Variants in GALK2 observed in about 807,000 individuals in gnomAD.
GALK2 encodes N-acetylgalactosamine kinase.
A neutral mutation model predicts 52.4 loss-of-function variants in GALK2; 36 were observed. That is an observed-to-expected ratio of 0.69 (90% CI 0.53 to 0.91). The LOEUF (loss-of-function observed/expected upper bound fraction) is 0.91. Among genes scored for constraint, GALK2 ranks in the 40% least tolerant of loss-of-function variants. GALK2 has a pLI of 0.00. For missense variants in GALK2, 579 were observed against 559.1 expected (o/e 1.04, Z -0.36); for synonymous variants, 176 against 199.1 (o/e 0.88, Z 0.98).
At chr15:49,327,589 G>T in intron 9 of GALK2, 1 of 161,100 alleles carries the variant, frequency 6.2e-6, no homozygotes, top group Non-Finnish European at 1.3e-5. Flanking sequence ...TTTTACCATT[G>T]CCTGTTTTAT....
intron 3 of GALK2, 53 bp from the exon 4 acceptor site, chr15:49,235,798 T>A (rs2090768955): frequency 8.6e-7 from 1 of 1,163,228 alleles, no homozygotes; most frequent in Non-Finnish European, 1.3e-6. Flanking sequence ...TCCATTGATT[T>A]TGCAGCTCAA....
Position 49,328,608 on chromosome 15 carries a change from G to A in GALK2, c.*449G>A, listed in dbSNP as rs1478116306. On this transcript the variant is annotated 3_prime_UTR_variant, in exon 10 of 10. Transcript: ENST00000560031. ...CTCAAAGTTGTAGTTGTCTGTTGAT[G>A]ATGGTGATGATGATGATGATGACGA... 2 of 1,592,022 alleles carry A rather than the reference G, an allele frequency of 1.3e-6. No homozygotes were observed.
intron 7 of GALK2, among the ~76,000 whole-genome samples, chr15:49,288,371 A>T (rs1273247293): frequency 6.6e-6 from 1 of 152,178 alleles, no homozygotes; most frequent in African/African-American, 2.4e-5. Context: ...TGTTCCTTTG[A>T]CACTTCAAGG....
intron 3 of GALK2, among the ~76,000 whole-genome samples, chr15:49,230,597 C>T (rs948243585): frequency 6.6e-6 from 1 of 152,190 alleles, no homozygotes; most frequent in Non-Finnish European, 1.5e-5. Flanking sequence ...AGGCATTCTT[C>T]TGTGCCTCCG....
chr15:49,352,434 A>T (rs1392175291), intron 3 of GALK2, among the ~76,000 whole-genome samples: 1 of 152,216 alleles, frequency 6.6e-6, no homozygotes, highest in East Asian at 1.9e-4. Flanking sequence ...ACTTATGTTA[A>T]GTAAGTCCAC....
At chr15:49,311,316 G>A (rs539153339) in intron 8 of GALK2, among the ~76,000 whole-genome samples, 2 of 152,194 alleles carry the variant, frequency 1.3e-5, no homozygotes, top group South Asian at 4.1e-4. Flanking sequence ...TCCCTAAAGG[G>A]CCAAGAACCA....
intron 8 of GALK2, 64 bp from the exon 9 acceptor site, chr15:49,319,540 T>G: frequency 7.3e-7 from 1 of 1,370,572 alleles, no homozygotes; most frequent in Non-Finnish European, 1.0e-6. Context: ...AAGTGTATTT[T>G]TCTTTATACT....
intron 1 of GALK2, chr15:49,199,219 TATGTTTTGTAGTTCACTA>T (rs1189905356): frequency 6.6e-6 from 1 of 152,206 alleles, no homozygotes; most frequent in Admixed American, 6.5e-5. Context: ...TTTGTTTCAC[TATGTTTTGTAGTTCACTA>T]ATGTTTTGTA....
At chr15:49,251,821 A>C (rs1404659597) in intron 5 of GALK2, among the ~76,000 whole-genome samples, 1 of 152,192 alleles carries the variant, frequency 6.6e-6, no homozygotes, top group Non-Finnish European at 1.5e-5. Flanking sequence ...TACTTCCTAA[A>C]CATAAAAAAT....
intron 5 of GALK2, among the ~76,000 whole-genome samples, chr15:49,257,011 T>C (rs1322593201): frequency 6.6e-6 from 1 of 152,138 alleles, no homozygotes; most frequent in African/African-American, 2.4e-5. Flanking sequence ...ATCCAGAGGA[T>C]TTATTCATTT....
chr15:49,198,344 A>G (rs747794278), intron 1 of GALK2, among the ~76,000 whole-genome samples: 2 of 152,240 alleles, frequency 1.3e-5, no homozygotes, highest in Non-Finnish European at 2.9e-5. Flanking sequence ...GAACTAAGAT[A>G]CAATCATAAC....
chr15:49,365,018 A>T (rs553514488), intron 3 of GALK2: 61 of 481,360 alleles, frequency 1.3e-4, no homozygotes, highest in Middle Eastern at 1.2e-3. Context: ...ATATTTGCAA[A>T]CATATCATTG....
chr15:49,205,200 A>G (rs966835134), intron 2 of GALK2, among the ~76,000 whole-genome samples: 2 of 152,156 alleles, frequency 1.3e-5, no homozygotes, highest in East Asian at 1.9e-4. Flanking sequence ...GCGCGTGCAC[A>G]TATCTTTTTC....
At chr15:49,203,418 G>T (rs545006242) in intron 2 of GALK2, among the ~76,000 whole-genome samples, 67 of 151,970 alleles carry the variant, frequency 4.4e-4, no homozygotes, top group Non-Finnish European at 7.6e-4. Context: ...ATATATTCTG[G>T]AGATTAATTC....
At chr15:49,228,687 A>ATATTT (rs1555409061) in intron 3 of GALK2, among the ~76,000 whole-genome samples, 2 of 14,274 alleles carry the variant, frequency 1.4e-4, no homozygotes, top group Admixed American at 1.0e-3. Context: ...ATATATATAT[A>ATATTT]TTTTTTTTTT....
intron 5 of GALK2, among the ~76,000 whole-genome samples, chr15:49,277,777 AGAGT>A (rs1480940671): frequency 1.3e-5 from 2 of 151,252 alleles, no homozygotes; most frequent in Non-Finnish European, 2.9e-5. Context: ...GCCTGCGGAC[AGAGT>A]GAGACTCCGT....
At chr15:49,292,220 AAAC>A in intron 7 of GALK2, 104 bp from the exon 8 acceptor site, 3 of 1,012,548 alleles carry the variant, frequency 3.0e-6, no homozygotes, top group Non-Finnish European at 2.9e-6. Flanking sequence ...GTTGAAAGGA[AAAC>A]AACAACAAAA....
intron 5 of GALK2, among the ~76,000 whole-genome samples, chr15:49,265,827 G>A (rs535686965): frequency 1.1e-4 from 16 of 152,264 alleles, no homozygotes; most frequent in South Asian, 6.2e-4. Context: ...TTCCAAAAGC[G>A]CTTGTGAGTT....
intron 3 of GALK2, among the ~76,000 whole-genome samples, chr15:49,357,140 C>T (rs1375359481): frequency 1.3e-5 from 2 of 150,012 alleles, no homozygotes; most frequent in East Asian, 4.0e-4. Context: ...CAGGAAAGAT[C>T]CAAAATTGAC....
Sources: allele counts gnomAD v4.1 joint callset (sites outside exome capture counted in the v4.1 genomes callset), GRCh38; gene constraint gnomAD v4.1.1; transcripts MANE v1.5; gene names NCBI Gene and HGNC (gene_info 2026-07-23, HGNC 2026-07-21).